WWOX: variants seen among roughly 807,000 people sequenced by gnomAD.
WWOX encodes WW domain-containing oxidoreductase.
In WWOX, 69 loss-of-function variants were observed where a neutral mutation model predicts 46.2. The observed-to-expected ratio is 1.49, with a 90% CI of 1.23 to 1.82. The LOEUF (loss-of-function observed/expected upper bound fraction) is 1.82, where lower values mean the gene tolerates loss of function less well. Ranked by LOEUF, WWOX falls within the 40% of genes most tolerant of loss-of-function variation. The probability of loss-of-function intolerance (pLI) is 0.00; values close to 1 mark genes in which losing one functional copy is unlikely to be tolerated. For missense variants in WWOX, 919 were observed against 542.6 expected, an observed-to-expected ratio of 1.69 and a Z score of -6.89; for synonymous variants, 359 against 202.6, an observed-to-expected ratio of 1.77 and a Z score of -6.56.
chr16:79,071,153 T>G (rs2048542994), intron 8 of WWOX, among the ~76,000 whole-genome samples: 1 of 152,264 alleles, frequency 6.6e-6, no homozygotes, highest in Admixed American at 6.5e-5. Context: ...CAGTTTTTAA[T>G]CAAATGTATG....
chr16:79,097,540 T>G (rs1377516589), intron 8 of WWOX, among the ~76,000 whole-genome samples: 1 of 152,142 alleles, frequency 6.6e-6, no homozygotes, highest in African/African-American at 2.4e-5. Flanking sequence ...CTTTCTAATG[T>G]CTTTTGTTTG....
chr16:79,186,985 A>C (rs2051028579), intron 8 of WWOX, among the ~76,000 whole-genome samples: 1 of 152,216 alleles, frequency 6.6e-6, no homozygotes, highest in African/African-American at 2.4e-5. Flanking sequence ...AGAATTTCAA[A>C]AGCCAGAAGT....
At chr16:78,155,666 A>G (rs1381901845) in intron 4 of WWOX, among the ~76,000 whole-genome samples, 2 of 152,230 alleles carry the variant, frequency 1.3e-5, no homozygotes, top group Non-Finnish European at 2.9e-5. Context: ...AGCTAGTTCA[A>G]TTTAAACATT....
intron 8 of WWOX, among the ~76,000 whole-genome samples, chr16:78,991,266 G>A (rs1319747063): frequency 6.6e-6 from 1 of 152,104 alleles, no homozygotes; most frequent in Non-Finnish European, 1.5e-5. Context: ...TTTTGGCAAT[G>A]AGACAGCAAG....
chr16:79,108,233 C>T (rs1353526765), intron 8 of WWOX, among the ~76,000 whole-genome samples: 2 of 152,192 alleles, frequency 1.3e-5, no homozygotes, highest in Non-Finnish European at 2.9e-5. Context: ...TTTGACTAGA[C>T]CCTCTTACAA....
At chr16:79,018,986 A>G (rs2047473311) in intron 8 of WWOX, among the ~76,000 whole-genome samples, 1 of 151,748 alleles carries the variant, frequency 6.6e-6, no homozygotes, top group African/African-American at 2.4e-5. Context: ...CCCCATCTCT[A>G]CAAAAAATTT....
intron 8 of WWOX, among the ~76,000 whole-genome samples, chr16:78,833,700 T>C (rs1396913719): frequency 1.3e-5 from 2 of 152,224 alleles, no homozygotes; most frequent in Admixed American, 1.3e-4. Flanking sequence ...CAGCAGTTGA[T>C]TGAATGCTGT....
At chr16:78,805,494 AG>A (rs2051009472) in intron 8 of WWOX, among the ~76,000 whole-genome samples, 1 of 151,844 alleles carries the variant, frequency 6.6e-6, no homozygotes, top group African/African-American at 2.4e-5. Context: ...AGTGTTATGC[AG>A]GATGGTCTCG....
chr16:78,673,639 T>G (rs775271659), intron 8 of WWOX, among the ~76,000 whole-genome samples: 13 of 152,142 alleles, frequency 8.5e-5, no homozygotes, highest in Admixed American at 6.5e-5. Flanking sequence ...AAGATAAAAA[T>G]TAGATCATAA....
chr16:79,053,092 G>C (rs1418221563), intron 8 of WWOX, among the ~76,000 whole-genome samples: 1 of 150,676 alleles, frequency 6.6e-6, no homozygotes, highest in Non-Finnish European at 1.5e-5. Context: ...CAAAAAGGAT[G>C]AAATCTTTTG....
intron 8 of WWOX, among the ~76,000 whole-genome samples, chr16:78,501,177 C>CTG (rs2085055594): frequency 4.8e-5 from 1 of 20,930 alleles, no homozygotes; most frequent in Non-Finnish European, 1.1e-4. Context: ...GTTTTTCTTT[C>CTG]TCTCTCTTTC....
rs961728565 is a variant in WWOX at position 78,882,373 on chromosome 16, G to C, written c.1057-329235G>C. Among the ~76,000 whole-genome samples the C allele has an allele frequency of 3.3e-5, 5 of 152,064 alleles. No individual in the cohort carries two copies. The South Asian group carries it at 8.3e-4, about 25-fold the overall frequency. On this transcript the variant is annotated intron_variant, in intron 8 of 8. Transcript: ENST00000566780. ...CAAAATAGCACAGCAATCTGACAGA[G>C]CCAGGATTATCTTCCATCCTCTATT...
Position 78,296,114 on chromosome 16 carries a change from C to A in WWOX, c.517-90746C>A, listed in dbSNP as rs141426067. 2.0e-5 allele frequency among the ~76,000 whole-genome samples: 3 copies of A among 152,152 alleles called. No homozygotes were observed. The South Asian group carries it at 6.2e-4, about 32-fold the overall frequency. On this transcript the variant is annotated intron_variant, in intron 5 of 8. Transcript: ENST00000566780. ...AAACTAGCTCTTCGAAGTGGGAAAA[C>A]CAAAAGTTTTATTGAAGCAATTTGT...
At chr16:78,147,113 C>G (rs1453479249) in intron 4 of WWOX, among the ~76,000 whole-genome samples, 3 of 151,622 alleles carry the variant, frequency 2.0e-5, no homozygotes, top group Admixed American at 1.3e-4. Context: ...TTAAAGATAT[C>G]TAAGATAGTG....
chr16:78,781,814 T>A (rs1370737849), intron 8 of WWOX, among the ~76,000 whole-genome samples: 1 of 152,222 alleles, frequency 6.6e-6, no homozygotes, highest in African/African-American at 2.4e-5. Context: ...TATTTTCTTC[T>A]AAGTAGAAGT....
intron 8 of WWOX, among the ~76,000 whole-genome samples, chr16:78,559,314 C>G (rs368515818): frequency 2.6e-5 from 4 of 152,294 alleles, no homozygotes. Context: ...AGGGTCAGGA[C>G]TGGTAGCAGG....
chr16:78,234,044 G>A (rs1005267121), intron 5 of WWOX, among the ~76,000 whole-genome samples: 9 of 152,046 alleles, frequency 5.9e-5, no homozygotes, highest in African/African-American at 7.2e-5. Context: ...ATGGCAGGTC[G>A]TGGGACCAGC....
At chr16:78,835,318 C>T (rs781705082) in intron 8 of WWOX, among the ~76,000 whole-genome samples, 5 of 152,150 alleles carry the variant, frequency 3.3e-5, no homozygotes, top group Admixed American at 3.3e-4. Flanking sequence ...CCATTCAAAG[C>T]GTTGTGCAAA....
chr16:78,839,254 C>T (rs773157057), intron 8 of WWOX, among the ~76,000 whole-genome samples: 2 of 152,168 alleles, frequency 1.3e-5, no homozygotes, highest in African/African-American at 4.8e-5. Context: ...GATATATTTT[C>T]TCTTCCTCCC....
Sources: gnomAD v4.1 joint callset for allele counts (sites outside exome capture counted in the v4.1 genomes callset) on GRCh38, gnomAD v4.1.1 for gene constraint, MANE v1.5 for transcripts, NCBI Gene and HGNC (gene_info 2026-07-23, HGNC 2026-07-21) for gene names.